WDPCP: variants seen among roughly 807,000 people sequenced by gnomAD.
WDPCP encodes WD repeat containing planar cell polarity effector.
Under a neutral mutation model 93.1 loss-of-function variants are expected in WDPCP, and 71 were observed. The observed-to-expected ratio is 0.76, with a 90% CI of 0.63 to 0.93. WDPCP has a LOEUF of 0.93. Among genes scored for constraint, WDPCP ranks in the 40% least tolerant of loss-of-function variants. The pLI is 0.00. For synonymous variants in WDPCP, 315 were observed against 315.0 expected (o/e 1.00, Z 0.00); for missense variants, 844 against 887.4 (o/e 0.95, Z 0.62).
intron 12 of WDPCP, among the ~76,000 whole-genome samples, chr2:63,321,958 T>A (rs1687133251): frequency 6.6e-6 from 1 of 152,192 alleles, no homozygotes; most frequent in East Asian, 1.9e-4. Context: ...ATTTAATGTA[T>A]ACAACTTGAT....
intron 17 of WDPCP, among the ~76,000 whole-genome samples, chr2:63,145,638 G>A (rs1179180513): frequency 6.6e-6 from 1 of 152,144 alleles, no homozygotes; most frequent in South Asian, 2.1e-4. Context: ...TCTTTTTCCA[G>A]GCAGAGGGCA....
chr2:63,439,435 A>C (rs1198088794), intron 7 of WDPCP, among the ~76,000 whole-genome samples: 1 of 152,142 alleles, frequency 6.6e-6, no homozygotes, highest in South Asian at 2.1e-4. Flanking sequence ...GAAATAAAAT[A>C]TATATTTGAA....
At chr2:63,728,550 G>A (rs1238015517) in intron 2 of WDPCP, among the ~76,000 whole-genome samples, 1 of 152,162 alleles carries the variant, frequency 6.6e-6, no homozygotes, top group Non-Finnish European at 1.5e-5. Context: ...TAAAAGTAAT[G>A]TCATATACTA....
intron 13 of WDPCP, among the ~76,000 whole-genome samples, chr2:63,284,985 T>G (rs944898965): frequency 6.6e-6 from 1 of 151,800 alleles, no homozygotes; most frequent in Admixed American, 6.6e-5. Flanking sequence ...TAAATTGGAA[T>G]ACCAAACAAA....
chr2:63,265,976 A>AAACTC (rs1682077587), intron 13 of WDPCP, among the ~76,000 whole-genome samples: 1 of 152,194 alleles, frequency 6.6e-6, no homozygotes, highest in African/African-American at 2.4e-5. Flanking sequence ...GTCATGATAA[A>AAACTC]AACTCAAAAA....
intron 1 of WDPCP, among the ~76,000 whole-genome samples, chr2:63,577,562 G>A (rs1159687085): frequency 1.3e-5 from 2 of 152,066 alleles, no homozygotes; most frequent in Non-Finnish European, 2.9e-5. Flanking sequence ...ATGCAAACCT[G>A]CAAAATCTAA....
At chr2:63,689,939 T>C (rs17028097) in intron 2 of WDPCP, among the ~76,000 whole-genome samples, 17,006 of 152,224 alleles carry the variant, frequency 0.11, 1,692 homozygotes, top group African/African-American at 0.27. Context: ...GCAAAGTGAC[T>C]AGCACAGACT....
chr2:63,565,413 G>C (rs1706964980), intron 1 of WDPCP, among the ~76,000 whole-genome samples: 1 of 151,892 alleles, frequency 6.6e-6, no homozygotes, highest in Non-Finnish European at 1.5e-5. Flanking sequence ...AAAATACACA[G>C]GTATGTATTT....
chr2:63,581,305 C>A (rs1708481794), intron 1 of WDPCP, among the ~76,000 whole-genome samples: 1 of 152,172 alleles, frequency 6.6e-6, no homozygotes, highest in Non-Finnish European at 1.5e-5. Context: ...GTAGTTAGTT[C>A]CCTGGAGAGG....
chr2:63,459,374 T>TA (rs1054856387), intron 6 of WDPCP, among the ~76,000 whole-genome samples: 24 of 147,886 alleles, frequency 1.6e-4, no homozygotes, highest in East Asian at 7.9e-4. Flanking sequence ...TCTCAACAGT[T>TA]AAAAAAAAAA....
Position 63,752,795 on chromosome 2 carries a change from C to T in WDPCP, n.308+60827G>A, listed in dbSNP as rs139096333. Among the ~76,000 whole-genome samples the T allele has an allele frequency of 4.1e-3, 628 of 152,184 alleles. 3 individuals carry two copies. The highest frequency in any genetic ancestry group is 0.014 in the African/African-American group (588 of 41,518). On this transcript the variant is annotated intron_variant and non_coding_transcript_variant, in intron 2 of 4. Coordinates refer to the WDPCP transcript ENST00000467687. ...GCAACCTCCGCTTCCCAGGTTCAAG[C>T]AACTCTCCTGTCTCAGCCTCCTGAG...
intron 1 of WDPCP, among the ~76,000 whole-genome samples, chr2:63,542,110 T>A (rs1383609183): frequency 6.6e-6 from 1 of 152,146 alleles, no homozygotes; most frequent in Non-Finnish European, 1.5e-5. Context: ...TGGACGGGGT[T>A]TGAATGAACT....
At chr2:63,373,494 G>A (rs1047465144) in intron 12 of WDPCP, among the ~76,000 whole-genome samples, 12 of 150,546 alleles carry the variant, frequency 8.0e-5, no homozygotes, top group African/African-American at 2.4e-4. Flanking sequence ...GGGCTGAAGC[G>A]ATTCTCCTGC....
intron 6 of WDPCP, among the ~76,000 whole-genome samples, chr2:63,444,599 G>T (rs1697724408): frequency 6.6e-6 from 1 of 152,110 alleles, no homozygotes; most frequent in Non-Finnish European, 1.5e-5. Context: ...CCATTGCAAG[G>T]GGTTGGAGGG....
At chr2:63,130,701 G>A (rs1358777722) in intron 17 of WDPCP, among the ~76,000 whole-genome samples, 3 of 151,898 alleles carry the variant, frequency 2.0e-5, no homozygotes, top group African/African-American at 7.3e-5. Context: ...GTATGTGTCT[G>A]TTCCATCCAG....
chr2:63,699,911 G>A (rs1158151187), intron 2 of WDPCP, among the ~76,000 whole-genome samples: 1 of 152,156 alleles, frequency 6.6e-6, no homozygotes, highest in African/African-American at 2.4e-5. Flanking sequence ...TGAGAAATGA[G>A]GAGCTTCTGA....
At chr2:63,839,787 C>T in the WDPCP span, among the ~76,000 whole-genome samples, 1 of 152,176 alleles carries the variant, frequency 6.6e-6, no homozygotes, top group African/African-American at 2.4e-5. Context: ...TGTTATTAAA[C>T]TGTAGACATC....
chr2:63,196,414 C>T (rs1675439239), intron 14 of WDPCP, among the ~76,000 whole-genome samples: 1 of 152,106 alleles, frequency 6.6e-6, no homozygotes, highest in Admixed American at 6.5e-5. Flanking sequence ...TTGCAAAATA[C>T]CCTTTTATCT....
chr2:63,199,617 C>G (rs1441945642), intron 14 of WDPCP, among the ~76,000 whole-genome samples: 1 of 152,238 alleles, frequency 6.6e-6, no homozygotes, highest in African/African-American at 2.4e-5. Flanking sequence ...TTGGGAACGT[C>G]AGCCTACATT....
Sources: allele counts gnomAD v4.1 joint callset (sites outside exome capture counted in the v4.1 genomes callset), GRCh38; gene constraint gnomAD v4.1.1; transcripts MANE v1.5; gene names NCBI Gene and HGNC (gene_info 2026-07-23, HGNC 2026-07-21).